The following AMOTL1 variants were observed in gnomAD, a reference collection of about 807,000 sequenced individuals.
The protein encoded by AMOTL1 is angiomotin like 1.
Under a neutral mutation model 102.9 loss-of-function variants are expected in AMOTL1, and 45 were observed. The observed-to-expected ratio is 0.44, with a 90% CI of 0.34 to 0.56. The LOEUF (loss-of-function observed/expected upper bound fraction) is 0.56. Among genes scored for constraint, AMOTL1 ranks in the 20% least tolerant of loss-of-function variants. AMOTL1 has a pLI of 0.01. For synonymous variants in AMOTL1, 481 were observed against 484.7 expected (o/e 0.99, Z 0.10); for missense variants, 1,114 against 1,225.6 (o/e 0.91, Z 1.36).
At chr11:94,858,120 T>G (rs553477979) in intron 8 of AMOTL1, among the ~76,000 whole-genome samples, 5 of 152,138 alleles carry the variant, frequency 3.3e-5, no homozygotes, top group Non-Finnish European at 7.4e-5. Context: ...CTGACAAGCA[T>G]AGATGGCAGC....
intron 4 of AMOTL1, among the ~76,000 whole-genome samples, chr11:94,827,175 G>A (rs1026490661): frequency 1.3e-5 from 2 of 152,226 alleles, no homozygotes; most frequent in Non-Finnish European, 2.9e-5. Context: ...TCGAATCAGA[G>A]CCGCACAGTG....
intron 3 of AMOTL1, among the ~76,000 whole-genome samples, chr11:94,810,866 A>ACACG (rs780851563): frequency 7.3e-6 from 1 of 137,508 alleles, no homozygotes; most frequent in Non-Finnish European, 1.6e-5. Flanking sequence ...ACACACACAC[A>ACACG]CACGCGTACA....
At chr11:94,726,569 A>AGCAGG (rs1950263245) in intron 1 of AMOTL1, among the ~76,000 whole-genome samples, 1 of 40,156 alleles carries the variant, frequency 2.5e-5, no homozygotes, top group East Asian at 4.0e-4. Context: ...CTGTCATTAG[A>AGCAGG]AAGTATTTCT....
At chr11:94,761,324 G>C (rs1484548433) in intron 3 of AMOTL1, among the ~76,000 whole-genome samples, 1 of 151,608 alleles carries the variant, frequency 6.6e-6, no homozygotes, top group Non-Finnish European at 1.5e-5. Context: ...GAGTAGCTTG[G>C]ATTACAGGCA....
intron 3 of AMOTL1, among the ~76,000 whole-genome samples, chr11:94,750,057 C>T (rs182172741): frequency 8.0e-4 from 122 of 152,276 alleles, no homozygotes; most frequent in Non-Finnish European, 1.2e-3. Flanking sequence ...ATACATATAA[C>T]CATTGTACTC....
At chr11:94,853,840 G>A (rs1374022620) in intron 7 of AMOTL1, 93 bp from the exon 8 acceptor site, 9 of 1,421,512 alleles carry the variant, frequency 6.3e-6, no homozygotes, top group Non-Finnish European at 8.6e-6. Flanking sequence ...AGTTTAAATA[G>A]GATCTCCAGG....
At chr11:94,809,315 C>G (rs1188189636) in intron 3 of AMOTL1, among the ~76,000 whole-genome samples, 2 of 152,176 alleles carry the variant, frequency 1.3e-5, no homozygotes, top group South Asian at 4.1e-4. Flanking sequence ...TAGAGTACAT[C>G]TCAGTTCAGA....
chr11:94,804,170 TA>T (rs1454752527), intron 3 of AMOTL1, among the ~76,000 whole-genome samples: 5 of 152,250 alleles, frequency 3.3e-5, no homozygotes, highest in Non-Finnish European at 7.3e-5. Flanking sequence ...AATAAACATT[TA>T]AAAGCTTCTG....
At chr11:94,824,431 A>G (rs1951926445) in intron 4 of AMOTL1, among the ~76,000 whole-genome samples, 1 of 152,200 alleles carries the variant, frequency 6.6e-6, no homozygotes, top group East Asian at 1.9e-4. Flanking sequence ...TACTACATTA[A>G]TCTGTCATAT....
At chr11:94,766,862 A>T (rs533030058), upstream of AMOTL1, among the ~76,000 whole-genome samples, 1 of 152,270 alleles carries the variant, frequency 6.6e-6, no homozygotes, top group African/African-American at 2.4e-5. Context: ...CCAGGCCTAC[A>T]TTTTTGTGAC....
chr11:94,763,465 CTA>C (rs1950818963), upstream of AMOTL1, among the ~76,000 whole-genome samples: 1 of 152,168 alleles, frequency 6.6e-6, no homozygotes, highest in Non-Finnish European at 1.5e-5. Flanking sequence ...AAAAAACACA[CTA>C]GAGTTGACCC....
At chr11:94,724,789 A>G (rs1037019731) in intron 1 of AMOTL1, among the ~76,000 whole-genome samples, 5 of 152,150 alleles carry the variant, frequency 3.3e-5, no homozygotes, top group Non-Finnish European at 7.4e-5. Flanking sequence ...ATGTCAGTAT[A>G]TATACATTTA....
chr11:94,773,046 C>A (rs373219225), intron 1 of AMOTL1, among the ~76,000 whole-genome samples: 18 of 152,254 alleles, frequency 1.2e-4, no homozygotes, highest in East Asian at 7.7e-4. Context: ...TGCCTTTTGC[C>A]CATTCCCTAA....
intron 1 of AMOTL1, among the ~76,000 whole-genome samples, chr11:94,717,867 G>A (rs1306548502): frequency 1.3e-5 from 2 of 151,610 alleles, no homozygotes; most frequent in Non-Finnish European, 2.9e-5. Flanking sequence ...TGAACAGGCT[G>A]TTCAGAAGAA....
chr11:94,868,216 G>A (rs910743962), intron 11 of AMOTL1, among the ~76,000 whole-genome samples: 10 of 152,188 alleles, frequency 6.6e-5, no homozygotes, highest in African/African-American at 2.4e-4. Context: ...AGTTCTAAAT[G>A]GGCACCTTAA....
intron 1 of AMOTL1, among the ~76,000 whole-genome samples, chr11:94,777,410 C>T (rs1951041943): frequency 6.6e-6 from 1 of 152,120 alleles, no homozygotes; most frequent in African/African-American, 2.4e-5. Context: ...TCTAAAAAGT[C>T]TACTTTGAGA....
intron 1 of AMOTL1, among the ~76,000 whole-genome samples, chr11:94,773,041 T>G (rs1011271930): frequency 2.6e-5 from 4 of 152,248 alleles, no homozygotes; most frequent in Non-Finnish European, 4.4e-5. Context: ...ATTCATGCCT[T>G]TTGCCCATTC....
At position 94,821,820 on chromosome 11, in the gene AMOTL1, A is replaced by G. The variant is rs1951872824; in HGVS notation, c.1412A>G (p.Lys471Arg). ...TACGACAATGCCGACAAGCTCCACAAGGTGCGTGACTTCCCTGGGGAATGG... is the reference window on the plus strand; with the variant it reads ...TACGACAATGCCGACAAGCTCCACAGGGTGCGTGACTTCCCTGGGGAATGG... ...GYYDNADKLHKFEKELQRISE... is the reference protein window; with the variant it reads ...GYYDNADKLHRFEKELQRISE... Residue 471 changes from lysine to arginine, a missense_variant and splice_region_variant, in exon 4 of 13, where the codon AAG (lysine) becomes AGG (arginine). Coordinates refer to ENST00000433060, the MANE Select transcript of AMOTL1 (RefSeq NM_130847.3). 1 of 1,613,424 alleles carries G rather than the reference A, an allele frequency of 6.2e-7. No homozygotes were observed. The highest frequency in any genetic ancestry group is 1.1e-5 in the South Asian group (1 of 91,026).
At chr11:94,728,933 A>G (rs1565329689) in exon 2 of AMOTL1, 1 of 1,256,840 alleles carries the variant, frequency 8.0e-7, no homozygotes, top group Non-Finnish European at 1.0e-6. Context: ...GATTGCTTCC[A>G]TTTGATCTGA....
Sources: gnomAD v4.1 joint callset for allele counts (sites outside exome capture counted in the v4.1 genomes callset) on GRCh38, gnomAD v4.1.1 for gene constraint, MANE v1.5 for transcripts, NCBI Gene and HGNC (gene_info 2026-07-23, HGNC 2026-07-21) for gene names.